Variants in EPN2 observed in about 807,000 individuals in gnomAD.
EPN2 encodes the protein epsin-2.
In EPN2, 34 loss-of-function variants were observed where a neutral mutation model predicts 61.7. The ratio of observed to expected loss-of-function variants is 0.55; its 90% CI spans 0.42 to 0.73. The LOEUF (loss-of-function observed/expected upper bound fraction) is 0.73, where lower values mean the gene tolerates loss of function less well. Ranked by LOEUF, EPN2 falls within the 30% of genes least tolerant of loss-of-function variation. The pLI is 0.00. For missense variants in EPN2, 714 were observed against 839.2 expected (o/e 0.85, Z 1.84); for synonymous variants, 349 against 353.6 (o/e 0.99, Z 0.15).
chr17:19,255,560 GTT>G lies in EPN2; in HGVS notation c.-294+18050_-294+18051del, dbSNP rs56823339. 4.2e-3 allele frequency among the ~76,000 whole-genome samples: 385 copies of G among 92,174 alleles called. 1 individual carries two copies. Among genetic ancestry groups the G allele is most frequent in the East Asian group, 0.015 (45 of 3,002 alleles). The allele number at this position is 92,174 out of a possible 152,430, so 60.5% of individuals were successfully genotyped here. On this transcript the variant is annotated intron_variant, in intron 1 of 10. Coordinates refer to ENST00000314728, the MANE Select transcript of EPN2 (RefSeq NM_014964.5). ...CCTTAATCAGCATCCTCTGGGGAGAGTTTTTTTTTTTTTTTTTTTTTTAAGTG... is the reference window on the plus strand; with the variant it reads ...CCTTAATCAGCATCCTCTGGGGAGAGTTTTTTTTTTTTTTTTTTTTAAGTG...
rs377094702 is a variant in EPN2 at position 19,246,767 on chromosome 17, C to CTTTT, written c.-294+9252_-294+9255dup. 8.2e-5 allele frequency among the ~76,000 whole-genome samples: 9 copies of CTTTT among 109,566 alleles called. 1 individual carries two copies. The highest frequency in any genetic ancestry group is 2.2e-4 in the Admixed American group (2 of 9,284). 71.9% of individuals were successfully genotyped at this position (109,566 alleles called of 152,430 possible). On this transcript the variant is annotated intron_variant, in intron 1 of 10. Coordinates refer to ENST00000314728, the MANE Select transcript of EPN2 (RefSeq NM_014964.5). ...CTGAAAGCAAGTCCTCCCTGTGTGC[C>CTTTT]TTTTTTTTTTTTTTTTTTTGAAGCG...
In EPN2 at chr17:19,277,799, G is replaced by A. The variant is rs139228212; in HGVS notation, c.-293-4156G>A. ...GGAAAATGAAAAGCTTTGGCCGGGC[G>A]CGGTGGCTCACGCCTGTAATCCCAG... is the stretch of plus-strand genomic sequence containing the variant. On this transcript the variant is annotated intron_variant, in intron 1 of 10. Coordinates refer to ENST00000314728, the MANE Select transcript of EPN2 (RefSeq NM_014964.5). Among the ~76,000 whole-genome samples, 167 of 152,268 alleles carry A rather than the reference G, an allele frequency of 1.1e-3. 2 individuals are homozygous for A. The highest frequency in any genetic ancestry group is 2.1e-3 in the Non-Finnish European group (144 of 68,006).
intron 4 of EPN2, among the ~76,000 whole-genome samples, chr17:19,293,524 C>G (rs565815819): frequency 1.8e-4 from 27 of 146,162 alleles, no homozygotes; most frequent in African/African-American, 6.8e-4. Context: ...GTGCATGCCA[C>G]CATACCCAGC....
At chr17:19,241,141 A>G (rs2044880158) in intron 1 of EPN2, among the ~76,000 whole-genome samples, 1 of 152,200 alleles carries the variant, frequency 6.6e-6, no homozygotes, top group Non-Finnish European at 1.5e-5. Context: ...ACCAAGTCTC[A>G]TGGGGATGAA....
chr17:19,242,549 C>G (rs2044896851), intron 1 of EPN2, among the ~76,000 whole-genome samples: 1 of 152,152 alleles, frequency 6.6e-6, no homozygotes, highest in Non-Finnish European at 1.5e-5. Flanking sequence ...CTGGAGCCTG[C>G]TTCGTTCCTG....
At chr17:19,243,671 G>C (rs2044912197) in intron 1 of EPN2, among the ~76,000 whole-genome samples, 1 of 152,098 alleles carries the variant, frequency 6.6e-6, no homozygotes, top group Non-Finnish European at 1.5e-5. Context: ...GGGATTACAG[G>C]CATGAGCCAC....
chr17:19,331,954 G>T lies in EPN2; in HGVS notation c.1513G>T (p.Ala505Ser). 2 of 1,614,138 alleles carry T rather than the reference G, an allele frequency of 1.2e-6. No homozygotes were observed. Among genetic ancestry groups the T allele is most frequent in the South Asian group, 1.1e-5 (1 of 91,068 alleles). The change falls in exon 10 of 11, where the codon GCC becomes TCC. Residue 505 changes from alanine to serine, a missense_variant. This residue lies in a region of EPN2 where 410 missense variants were observed against 421.8 expected (regional missense o/e 0.97). Transcript: ENST00000314728. ...TGTCGCCTCAAGCAAGCCCAGCAGT[G>T]CCCGGAAAACACCTGAGTCCTTCCT... ...LTVASSKPSS[A>S]RKTPESFLGP... is the part of the protein sequence containing the mutation.
intron 1 of EPN2, among the ~76,000 whole-genome samples, chr17:19,268,104 A>G (rs901230119): frequency 6.6e-6 from 1 of 152,100 alleles, no homozygotes; most frequent in Non-Finnish European, 1.5e-5. Context: ...CTCTGCCCGC[A>G]GAGGCCTCCT....
intron 4 of EPN2, among the ~76,000 whole-genome samples, chr17:19,306,450 A>G (rs1345264532): frequency 6.6e-6 from 1 of 152,244 alleles, no homozygotes; most frequent in Non-Finnish European, 1.5e-5. Flanking sequence ...ACATCCGTTT[A>G]TGAAAACCAC....
chr17:19,321,044 A>T (rs1906615474), intron 7 of EPN2, among the ~76,000 whole-genome samples: 1 of 152,184 alleles, frequency 6.6e-6, no homozygotes, highest in Non-Finnish European at 1.5e-5. Context: ...ATGCAGTCTC[A>T]CATGCACACA....
chr17:19,256,889 G>C (rs376105605), intron 1 of EPN2, among the ~76,000 whole-genome samples: 3 of 152,130 alleles, frequency 2.0e-5, no homozygotes, highest in African/African-American at 7.2e-5. Context: ...CAAATAAAGA[G>C]AACATTTAAA....
chr17:19,268,981 T>A (rs534261895), intron 1 of EPN2, among the ~76,000 whole-genome samples: 1 of 152,146 alleles, frequency 6.6e-6, no homozygotes, highest in South Asian at 2.1e-4. Context: ...GCCTTAGAGG[T>A]CAAGGAGGTG....
intron 1 of EPN2, among the ~76,000 whole-genome samples, chr17:19,264,685 T>C (rs919144581): frequency 5.3e-5 from 8 of 151,808 alleles, no homozygotes; most frequent in African/African-American, 1.9e-4. Context: ...TTGGTAAGGG[T>C]GTAGAGAGGA....
Position 19,334,234 on chromosome 17 carries a change from A to G in EPN2, c.1906A>G (p.Thr636Ala), listed in dbSNP as rs761267617. ...PPSAAQATGT[T>A]NPFLL is the part of the protein sequence containing the mutation. ...ATCAGCAGCCCAGGCCACTGGCACA[A>G]CCAACCCTTTCCTTCTCTAGTGCCT... The change falls in exon 11 of 11, where the codon ACC becomes GCC. Residue 636 changes from threonine (T) to alanine (A), a missense_variant. Coordinates refer to ENST00000314728, the MANE Select transcript of EPN2 (RefSeq NM_014964.5). This position sits in a 1 kb window ranked among gnomAD's most constrained non-coding sequence, Gnocchi z 4.9. 30 of 1,478,174 alleles carry G rather than the reference A, an allele frequency of 2.0e-5. No individual in the cohort carries two copies. The highest frequency in any genetic ancestry group is 2.5e-5 in the Non-Finnish European group (28 of 1,103,184). The allele number at this position is 1,478,174 out of a possible 1,614,324, so 91.6% of individuals were successfully genotyped here.
chr17:19,335,604 T>A lies in EPN2; in HGVS notation c.*1350T>A. The A allele has an allele frequency of 1.4e-6, 1 of 701,218 alleles. No homozygotes were observed. The highest frequency in any genetic ancestry group is 2.2e-6 in the Non-Finnish European group (1 of 462,454). 43.4% of individuals were successfully genotyped at this position (701,218 alleles called of 1,614,324 possible). On this transcript the variant is annotated 3_prime_UTR_variant, in exon 11 of 11. Transcript: ENST00000314728. ...CCACGGGTCCCTGGGCAACAGTCCC[T>A]AGGCTAAGACAGGGGTGGGGGGCTA...
At position 19,336,378 on chromosome 17, in the gene EPN2, A is replaced by C. The variant is rs1907447327; in HGVS notation, c.*2124A>C. 6.6e-6 allele frequency: 1 copy of C among 152,398 alleles called. No individual in the cohort carries two copies. Among genetic ancestry groups the C allele is most frequent in the African/African-American group, 2.4e-5 (1 of 41,430 alleles). The allele number at this position is 152,398 out of a possible 1,614,324, so 9.4% of individuals were successfully genotyped here. ...AGACTAGACTCGACTACTTGGGGTC[A>C]GTGATTCTTTTGTAACGAGTCTTTC... On this transcript the variant is annotated 3_prime_UTR_variant, in exon 11 of 11. Coordinates refer to ENST00000314728, the MANE Select transcript of EPN2 (RefSeq NM_014964.5).
At chr17:19,305,177 A>C (rs1905774676) in intron 4 of EPN2, among the ~76,000 whole-genome samples, 1 of 147,828 alleles carries the variant, frequency 6.8e-6, no homozygotes, top group Admixed American at 7.0e-5. Flanking sequence ...GCTGGAGTGC[A>C]GTGGTATGAT....
At position 19,334,947 on chromosome 17, in the gene EPN2, T is replaced by C. The variant is rs1907331740; in HGVS notation, c.*693T>C. ...TAATATTTTTATAACGTGGTTCTTATTTAACTGTCTAGTTTTGATAGAATT... is the reference window on the plus strand; with the variant it reads ...TAATATTTTTATAACGTGGTTCTTACTTAACTGTCTAGTTTTGATAGAATT... On this transcript the variant is annotated 3_prime_UTR_variant, in exon 11 of 11. Coordinates refer to ENST00000314728, the MANE Select transcript of EPN2 (RefSeq NM_014964.5). This position sits in a 1 kb window ranked among gnomAD's most constrained non-coding sequence, Gnocchi z 4.9. The C allele has an allele frequency of 6.5e-6, 1 of 154,464 alleles. No homozygotes were observed. The highest frequency in any genetic ancestry group is 1.4e-5 in the Non-Finnish European group (1 of 69,362). 9.6% of individuals were successfully genotyped at this position (154,464 alleles called of 1,614,324 possible). A position where few individuals can be genotyped will look rare whatever the true frequency, so the allele number is the denominator to read the frequency against.
rs777951481 is a variant in EPN2, at chr17:19,283,423, G to A, written c.304G>A (p.Ala102Thr). The change falls in exon 3 of 11, where the codon GCC (alanine) becomes ACC (threonine). Residue 102 changes from alanine (A) to threonine (T), a missense_variant. Ala to Thr is a moderately conservative substitution (Grantham distance 58). This residue lies in a region of EPN2 where 304 missense variants were observed against 417.4 expected (regional missense o/e 0.73). Transcript: ENST00000314728. The surrounding 1 kb of genome is among the most constrained non-coding windows in gnomAD (Gnocchi z 7.0). The part of the protein sequence containing the change: ...VAQQCRENIF[A>T]IQTLKDFQYI... ...CCAGCAGTGCCGGGAGAACATCTTC[G>A]CCATCCAGACCCTGAAGGACTTCCA... is the stretch of plus-strand genomic sequence containing the variant. 6.2e-6 allele frequency: 10 copies of A among 1,614,056 alleles called. No individual in the cohort carries two copies. The highest frequency in any genetic ancestry group is 2.2e-5 in the East Asian group (1 of 44,894).
Sources: allele counts gnomAD v4.1 joint callset (sites outside exome capture counted in the v4.1 genomes callset), GRCh38; gene constraint gnomAD v4.1.1; regional missense constraint gnomAD v4.1.1; non-coding constraint Gnocchi (gnomAD v3.1); transcripts MANE v1.5; gene names NCBI Gene and HGNC (gene_info 2026-07-23, HGNC 2026-07-21).